MBOAT2: variants seen among roughly 807,000 people sequenced by gnomAD.
MBOAT2 encodes membrane-bound glycerophospholipid O-acyltransferase 2.
Under a neutral mutation model 63.4 loss-of-function variants are expected in MBOAT2, and 28 were observed. That is an observed-to-expected ratio of 0.44 (90% CI 0.33 to 0.61). The LOEUF (loss-of-function observed/expected upper bound fraction) is 0.61. Ranked by LOEUF, MBOAT2 falls within the 20% of genes least tolerant of loss-of-function variation. MBOAT2 has a pLI of 0.03. For synonymous variants in MBOAT2, 211 were observed against 215.6 expected (o/e 0.98, Z 0.19); for missense variants, 470 against 605.8 (o/e 0.78, Z 2.35).
chr2:8,902,302 T>A (rs1360701977), intron 4 of MBOAT2, among the ~76,000 whole-genome samples: 1 of 152,214 alleles, frequency 6.6e-6, no homozygotes, highest in Non-Finnish European at 1.5e-5. Flanking sequence ...GGTCCGATGG[T>A]ACTCACCACT....
At chr2:8,886,300 C>A (rs986355173) in intron 5 of MBOAT2, among the ~76,000 whole-genome samples, 3 of 152,156 alleles carry the variant, frequency 2.0e-5, no homozygotes, top group Non-Finnish European at 2.9e-5. Context: ...ATTACAGGCA[C>A]CTTTGTACTT....
chr2:8,955,266 G>A (rs529909123), intron 2 of MBOAT2, among the ~76,000 whole-genome samples: 16 of 152,320 alleles, frequency 1.1e-4, no homozygotes, highest in Non-Finnish European at 1.9e-4. Flanking sequence ...AGCTTTTCAC[G>A]ATGTCTGTCC....
At chr2:8,993,812 C>T (rs1436268493) in intron 1 of MBOAT2, among the ~76,000 whole-genome samples, 1 of 152,194 alleles carries the variant, frequency 6.6e-6, no homozygotes, top group Non-Finnish European at 1.5e-5. Flanking sequence ...CACTTCACTC[C>T]TTGCAAAATG....
Position 8,862,797 on chromosome 2 carries a change from T to G in MBOAT2, c.1053-75A>C, listed in dbSNP as rs773886042. The G allele has an allele frequency of 3.1e-5, 46 of 1,505,122 alleles. No homozygotes were observed. The highest frequency in any genetic ancestry group is 3.9e-5 in the Non-Finnish European group (44 of 1,122,952). 93.2% of individuals were successfully genotyped at this position (1,505,122 alleles called of 1,614,324 possible). On this transcript the variant is annotated intron_variant, in intron 10 of 12. Coordinates refer to ENST00000305997, the MANE Select transcript of MBOAT2 (RefSeq NM_138799.4). The surrounding 1 kb of genome is among the most constrained non-coding windows in gnomAD (Gnocchi z 4.3). ...TTTACAAAGCCTGCAATGATCATTCTTTTATTACCTGACAGGATTTAGGGT... is the reference window on the plus strand; with the variant it reads ...TTTACAAAGCCTGCAATGATCATTCGTTTATTACCTGACAGGATTTAGGGT...
At chr2:8,998,369 A>G (rs1672451908) in intron 1 of MBOAT2, among the ~76,000 whole-genome samples, 1 of 152,216 alleles carries the variant, frequency 6.6e-6, no homozygotes, top group South Asian at 2.1e-4. Context: ...AGAGCATTCA[A>G]ATGGCAAGTT....
At chr2:8,936,452 C>T (rs750335448) in intron 3 of MBOAT2, among the ~76,000 whole-genome samples, 12 of 152,164 alleles carry the variant, frequency 7.9e-5, no homozygotes, top group Non-Finnish European at 1.3e-4. Flanking sequence ...TAGATCTATG[C>T]AATAATTTAT....
chr2:8,905,741 A>T (rs1371103027), intron 4 of MBOAT2, among the ~76,000 whole-genome samples: 1 of 152,236 alleles, frequency 6.6e-6, no homozygotes, highest in Non-Finnish European at 1.5e-5. Context: ...CCAACATGGC[A>T]CATGTATACG....
At chr2:8,993,177 A>T (rs1672035587) in intron 1 of MBOAT2, among the ~76,000 whole-genome samples, 1 of 152,230 alleles carries the variant, frequency 6.6e-6, no homozygotes, top group Admixed American at 6.5e-5. Context: ...AGCTGAAAAT[A>T]GTGGTACCTC....
chr2:8,942,150 A>G (rs577703439), intron 3 of MBOAT2, among the ~76,000 whole-genome samples: 128 of 152,358 alleles, frequency 8.4e-4, no homozygotes, highest in Admixed American at 1.8e-3. Context: ...AAGTCAGTGC[A>G]GGCAATGTCA....
At chr2:8,864,928 A>G (rs1027349906) in intron 9 of MBOAT2, among the ~76,000 whole-genome samples, 2 of 151,990 alleles carry the variant, frequency 1.3e-5, no homozygotes, top group Admixed American at 1.3e-4. Context: ...TACTACTCTT[A>G]TGTCAGAATC....
Position 8,943,236 on chromosome 2 carries a change from C to T in MBOAT2, c.250G>A (p.Gly84Arg). ...ATGATCATGATACAGTAGGAAATTC[C>T]ACTTTGTACAAGAAAGTGTAAGGCA... ...WYALHFLVQSGISYCIMIIIG... is the reference protein window; with the variant it reads ...WYALHFLVQSRISYCIMIIIG... The change falls in exon 3 of 13, where the codon GGA becomes AGA. Residue 84 changes from glycine (G) to arginine (R), a missense_variant. Gly to Arg is a moderately radical substitution (Grantham distance 125). Coordinates refer to ENST00000305997, the MANE Select transcript of MBOAT2 (RefSeq NM_138799.4). 6.3e-7 allele frequency: 1 copy of T among 1,585,424 alleles called. No individual in the cohort carries two copies. The highest frequency in any genetic ancestry group is 8.6e-7 in the Non-Finnish European group (1 of 1,162,004).
At chr2:8,919,857 T>C (rs1666451424) in intron 3 of MBOAT2, among the ~76,000 whole-genome samples, 1 of 152,074 alleles carries the variant, frequency 6.6e-6, no homozygotes, top group African/African-American at 2.4e-5. Context: ...TGGGTTCAAG[T>C]GATCTCCCTG....
At chr2:8,912,299 A>AAAGAAAGAAAG (rs71387298) in intron 3 of MBOAT2, among the ~76,000 whole-genome samples, 31 of 46,892 alleles carry the variant, frequency 6.6e-4, no homozygotes, top group African/African-American at 1.0e-3. Context: ...GAAAAGAAAG[A>AAAGAAAGAAAG]AAAGAAAGAA....
intron 1 of MBOAT2, among the ~76,000 whole-genome samples, chr2:8,988,208 A>G (rs1200710807): frequency 1.3e-5 from 2 of 152,172 alleles, no homozygotes; most frequent in Non-Finnish European, 2.9e-5. Context: ...TCTTGGCCTA[A>G]TATCTACTTG....
intron 1 of MBOAT2, among the ~76,000 whole-genome samples, chr2:8,983,727 CA>C (rs1472075013): frequency 2.0e-5 from 3 of 152,140 alleles, no homozygotes; most frequent in African/African-American, 7.2e-5. Context: ...TTTGAGATTA[CA>C]CAGAAGAATG....
chr2:8,986,062 G>T (rs1257969543), intron 1 of MBOAT2, among the ~76,000 whole-genome samples: 1 of 152,082 alleles, frequency 6.6e-6, no homozygotes, highest in Non-Finnish European at 1.5e-5. Flanking sequence ...CCCTTGGAAT[G>T]ATGTGATGAA....
intron 1 of MBOAT2, among the ~76,000 whole-genome samples, chr2:9,000,984 A>T (rs1672646387): frequency 6.6e-6 from 1 of 152,110 alleles, no homozygotes; most frequent in South Asian, 2.1e-4. Context: ...TTTAATTTAA[A>T]AAACGATTAA....
chr2:8,986,793 G>C (rs1671602077), intron 1 of MBOAT2, among the ~76,000 whole-genome samples: 2 of 152,054 alleles, frequency 1.3e-5, no homozygotes, highest in Non-Finnish European at 2.9e-5. Context: ...GAGACACAGA[G>C]GGCTTGCTCT....
At chr2:8,868,312 T>C (rs891691838) in intron 9 of MBOAT2, 134 bp downstream of exon 9, 2 of 702,592 alleles carry the variant, frequency 2.8e-6, no homozygotes, top group African/African-American at 1.8e-5. Flanking sequence ...CCAATATGTA[T>C]TGGTTAAATG....
Sources: allele counts gnomAD v4.1 joint callset (sites outside exome capture counted in the v4.1 genomes callset), GRCh38; gene constraint gnomAD v4.1.1; non-coding constraint Gnocchi (gnomAD v3.1); transcripts MANE v1.5; gene names NCBI Gene and HGNC (gene_info 2026-07-23, HGNC 2026-07-21).